Variants in SNAPC1 observed in about 807,000 individuals in gnomAD.
SNAPC1 encodes the protein snRNA-activating protein complex subunit 1.
A neutral mutation model predicts 50.1 loss-of-function variants in SNAPC1; 42 were observed. That is an observed-to-expected ratio of 0.84 (90% CI 0.65 to 1.08). SNAPC1 has a LOEUF of 1.08. Ranked by LOEUF, SNAPC1 falls within the 50% of genes least tolerant of loss-of-function variation. The probability of loss-of-function intolerance (pLI) is 0.00; values close to 1 mark genes in which losing one functional copy is unlikely to be tolerated. For synonymous variants in SNAPC1, 164 were observed against 144.2 expected (o/e 1.14, Z -0.98); for missense variants, 477 against 427.3 (o/e 1.12, Z -1.02).
chr14:61,791,385 C>T (rs1439921143), intron 8 of SNAPC1, among the ~76,000 whole-genome samples: 1 of 151,942 alleles, frequency 6.6e-6, no homozygotes, highest in Non-Finnish European at 1.5e-5. Flanking sequence ...TATATGTTTC[C>T]TTTTTTCTAC....
intron 8 of SNAPC1, among the ~76,000 whole-genome samples, chr14:61,782,657 C>G (rs547181983): frequency 4.6e-5 from 7 of 152,158 alleles, no homozygotes; most frequent in African/African-American, 7.2e-5. Context: ...TGCCTGTAAT[C>G]CCAGCACTTT....
intron 7 of SNAPC1, among the ~76,000 whole-genome samples, chr14:61,780,610 C>G (rs1268763589): frequency 6.6e-6 from 1 of 152,096 alleles, no homozygotes; most frequent in East Asian, 1.9e-4. Context: ...AAGTTTGTGA[C>G]TATTTTCTCT....
intron 8 of SNAPC1, among the ~76,000 whole-genome samples, chr14:61,791,638 A>G (rs1234778919): frequency 3.3e-5 from 5 of 152,170 alleles, no homozygotes; most frequent in African/African-American, 1.2e-4. Context: ...ACTTGAGGTC[A>G]GGAGTTTGAA....
intron 8 of SNAPC1, among the ~76,000 whole-genome samples, chr14:61,792,573 TTC>T (rs1429631775): frequency 6.6e-6 from 1 of 152,226 alleles, no homozygotes; most frequent in Non-Finnish European, 1.5e-5. Flanking sequence ...TATTCCTTTT[TTC>T]TCTGTTTTCT....
At chr14:61,763,293 A>G (rs2044922038) in intron 1 of SNAPC1, among the ~76,000 whole-genome samples, 1 of 151,912 alleles carries the variant, frequency 6.6e-6, no homozygotes, top group East Asian at 1.9e-4. Flanking sequence ...GCCCGGCCCA[A>G]AAGTTGTTTT....
intron 5 of SNAPC1, 26 bp downstream of exon 5, chr14:61,776,279 C>T (rs1470630638): frequency 2.5e-6 from 4 of 1,591,836 alleles, no homozygotes; most frequent in Admixed American, 1.7e-5. Context: ...TTTGGTGCCT[C>T]ACCATTGTAT....
Position 61,785,124 on chromosome 14 carries a change from C to T in SNAPC1, c.976+2727C>T, listed in dbSNP as rs569508130. On this transcript the variant is annotated intron_variant, in intron 8 of 9. Transcript: ENST00000216294. The stretch of plus-strand genomic sequence containing the variant: ...TATTAAGAGACACAAGTTTCCAGGC[C>T]GGGCGCGGTGGCCCATGCTTGTAAT... Among the ~76,000 whole-genome samples, 144 of 152,198 alleles carry T rather than the reference C, an allele frequency of 9.5e-4. 1 individual carries two copies. Among genetic ancestry groups the T allele is most frequent in the African/African-American group, 3.2e-3 (131 of 41,550 alleles).
chr14:61,773,046 C>T (rs2045005077), intron 4 of SNAPC1, among the ~76,000 whole-genome samples: 1 of 152,150 alleles, frequency 6.6e-6, no homozygotes, highest in South Asian at 2.1e-4. Flanking sequence ...AAATTTAATA[C>T]TTTTAAATTT....
intron 9 of SNAPC1, among the ~76,000 whole-genome samples, chr14:61,793,759 C>T (rs905517474): frequency 3.1e-4 from 47 of 150,314 alleles, no homozygotes; most frequent in Non-Finnish European, 3.7e-4. Context: ...CAGGTTCACG[C>T]GATTCTCCTG....
intron 4 of SNAPC1, among the ~76,000 whole-genome samples, chr14:61,772,498 C>G (rs1594645061): frequency 6.6e-6 from 1 of 152,202 alleles, no homozygotes; most frequent in Non-Finnish European, 1.5e-5. Flanking sequence ...CCACCTTGGC[C>G]TCCCAAAGTG....
intron 7 of SNAPC1, among the ~76,000 whole-genome samples, chr14:61,781,144 C>T (rs150753240): frequency 3.3e-5 from 5 of 152,092 alleles, no homozygotes; most frequent in East Asian, 1.9e-4. Flanking sequence ...GACAGCTATA[C>T]GTGGTTGCTT....
intron 7 of SNAPC1, among the ~76,000 whole-genome samples, chr14:61,780,053 T>C (rs1329748698): frequency 6.6e-6 from 1 of 152,158 alleles, no homozygotes; most frequent in Non-Finnish European, 1.5e-5. Context: ...CTCAGATGTC[T>C]TTTCATATTT....
rs191638844 is a variant in SNAPC1 at position 61,795,391 on chromosome 14, G to A, written c.*408G>A. 2.4e-4 allele frequency: 37 copies of A among 152,402 alleles called. No homozygotes were observed. Among genetic ancestry groups the A allele is most frequent in the East Asian group, 1.2e-3 (6 of 5,208 alleles). 9.4% of individuals were successfully genotyped at this position (152,402 alleles called of 1,614,324 possible). A position where few individuals can be genotyped will look rare whatever the true frequency, so the allele number is the denominator to read the frequency against. On this transcript the variant is annotated 3_prime_UTR_variant, in exon 10 of 10. Transcript: ENST00000216294. ...AAATAACTATTTTGTATCTACAGTCGGATAATGGATTTTTTATTTTGTATA... is the reference window on the plus strand; with the variant it reads ...AAATAACTATTTTGTATCTACAGTCAGATAATGGATTTTTTATTTTGTATA...
chr14:61,770,305 C>G (rs1361635377), intron 4 of SNAPC1, among the ~76,000 whole-genome samples: 1 of 150,734 alleles, frequency 6.6e-6, no homozygotes, highest in African/African-American at 2.4e-5. Flanking sequence ...TGTAGTGGCA[C>G]GATCTTGGCT....
chr14:61,787,395 G>T (rs117878676), intron 8 of SNAPC1, among the ~76,000 whole-genome samples: 27 of 138,552 alleles, frequency 1.9e-4, no homozygotes, highest in South Asian at 5.1e-4. Flanking sequence ...AGATTAAAAT[G>T]TTTTTTTTTT....
chr14:61,781,862 T>C (rs550173904), intron 7 of SNAPC1, among the ~76,000 whole-genome samples: 1 of 152,354 alleles, frequency 6.6e-6, no homozygotes, highest in Non-Finnish European at 1.5e-5. Flanking sequence ...TGTGGCCAGA[T>C]CTGGGCCACA....
At position 61,782,358 on chromosome 14, in the gene SNAPC1, T is replaced by C; in HGVS notation, c.937T>C (p.Leu313=). The C allele has an allele frequency of 6.2e-7, 1 of 1,613,472 alleles. No individual in the cohort carries two copies. The highest frequency in any genetic ancestry group is 1.1e-5 in the South Asian group (1 of 90,946). Residue 313 remains leucine (L), a synonymous_variant, in exon 8 of 10, where the codon TTG becomes CTG. Coordinates refer to ENST00000216294, the MANE Select transcript of SNAPC1 (RefSeq NM_003082.4). ...TAGGAAAAAAGAGAAGAAAGAAAGA[T>C]TGAAACCAGCAGGAAGGAAGATGTC... ...ATRKKEKKER[L]KPAGRKMSLR... is the part of the protein sequence containing the mutation.
chr14:61,769,439 C>T (rs1365413834), intron 4 of SNAPC1, among the ~76,000 whole-genome samples: 1 of 146,708 alleles, frequency 6.8e-6, no homozygotes, highest in African/African-American at 2.5e-5. Context: ...GCTCTGTCAC[C>T]CAGGCTGGAG....
At chr14:61,765,979 T>C (rs1227059741) in intron 1 of SNAPC1, among the ~76,000 whole-genome samples, 1 of 152,174 alleles carries the variant, frequency 6.6e-6, no homozygotes, top group Non-Finnish European at 1.5e-5. Context: ...CTGAGAGTAT[T>C]GGAGAAAATG....
Sources: allele counts gnomAD v4.1 joint callset (sites outside exome capture counted in the v4.1 genomes callset), GRCh38; gene constraint gnomAD v4.1.1; transcripts MANE v1.5; gene names NCBI Gene and HGNC (gene_info 2026-07-23, HGNC 2026-07-21).